CSGALNACT1: variants seen among roughly 807,000 people sequenced by gnomAD.
CSGALNACT1 encodes the protein chondroitin sulfate N-acetylgalactosaminyltransferase 1, also known as beta4GalNAcT-1.
CSGALNACT1 carries 52 observed loss-of-function variants against 51.0 expected under a neutral mutation model. That is an observed-to-expected ratio of 1.02 (90% CI 0.82 to 1.29). The LOEUF is 1.29. CSGALNACT1 is among the 50% of genes most tolerant of loss of function. The probability of loss-of-function intolerance (pLI) is 0.00; values close to 1 mark genes in which losing one functional copy is unlikely to be tolerated. For missense variants in CSGALNACT1, 935 were observed against 679.2 expected, an observed-to-expected ratio of 1.38 and a Z score of -4.19; for synonymous variants, 341 against 254.4, an observed-to-expected ratio of 1.34 and a Z score of -3.24.
chr8:19,447,820 G>A (rs2062399057), intron 5 of CSGALNACT1, among the ~76,000 whole-genome samples: 1 of 152,210 alleles, frequency 6.6e-6, no homozygotes, highest in Non-Finnish European at 1.5e-5. Context: ...CAGCTTTTGT[G>A]GACTCACCTG....
At chr8:19,688,686 T>C (rs898564036) in intron 1 of CSGALNACT1, 3 of 152,232 alleles carry the variant, frequency 2.0e-5, no homozygotes. Context: ...GAAAGCTCTC[T>C]CAGCCCACTG....
At chr8:19,491,798 C>A (rs773643029) in intron 4 of CSGALNACT1, among the ~76,000 whole-genome samples, 1 of 152,146 alleles carries the variant, frequency 6.6e-6, no homozygotes, top group African/African-American at 2.4e-5. Context: ...AATTTGCAAA[C>A]GACACAACTG....
At chr8:19,533,873 T>C (rs577295489) in intron 3 of CSGALNACT1, among the ~76,000 whole-genome samples, 4 of 151,988 alleles carry the variant, frequency 2.6e-5, no homozygotes, top group African/African-American at 9.7e-5. Flanking sequence ...TTTAAAAGGG[T>C]CAAAATAATA....
At chr8:19,685,803 A>T (rs1008248997), upstream of CSGALNACT1, among the ~76,000 whole-genome samples, 4 of 152,210 alleles carry the variant, frequency 2.6e-5, no homozygotes, top group Non-Finnish European at 4.4e-5. Flanking sequence ...TAACTTTGAC[A>T]TACCAACGAG....
At chr8:19,521,573 T>C (rs1587761856) in intron 3 of CSGALNACT1, among the ~76,000 whole-genome samples, 2 of 152,120 alleles carry the variant, frequency 1.3e-5, no homozygotes, top group South Asian at 4.2e-4. Context: ...ATCCCAGCTA[T>C]TCAGGAGGCT....
intron 1 of CSGALNACT1, among the ~76,000 whole-genome samples, chr8:19,756,581 T>C (rs1340474963): frequency 7.0e-6 from 1 of 141,890 alleles, no homozygotes. Context: ...CTAGCCCCCA[T>C]CCCACCCCAA....
intron 3 of CSGALNACT1, among the ~76,000 whole-genome samples, chr8:19,576,159 G>A (rs1292762708): frequency 6.6e-6 from 1 of 151,954 alleles, no homozygotes; most frequent in African/African-American, 2.4e-5. Context: ...CCTCAGTAGT[G>A]AGCAGTCATT....
intron 5 of CSGALNACT1, among the ~76,000 whole-genome samples, chr8:19,445,029 G>T (rs747329166): frequency 6.6e-6 from 1 of 152,162 alleles, no homozygotes; most frequent in African/African-American, 2.4e-5. Flanking sequence ...GTGGAAGAAA[G>T]AGCACCTCAG....
At chr8:19,571,170 A>G (rs1156757791) in intron 3 of CSGALNACT1, among the ~76,000 whole-genome samples, 5 of 151,996 alleles carry the variant, frequency 3.3e-5, no homozygotes, top group Non-Finnish European at 5.9e-5. Flanking sequence ...AGGTTTTGCT[A>G]TGTTGCCCAG....
At chr8:19,455,117 A>T (rs1412744384) in intron 5 of CSGALNACT1, among the ~76,000 whole-genome samples, 1 of 152,212 alleles carries the variant, frequency 6.6e-6, no homozygotes, top group African/African-American at 2.4e-5. Flanking sequence ...AGGAGGTGAG[A>T]CCTGGAGTGA....
intron 1 of CSGALNACT1, among the ~76,000 whole-genome samples, chr8:19,681,473 A>C (rs2060614785): frequency 6.6e-6 from 1 of 152,108 alleles, no homozygotes; most frequent in African/African-American, 2.4e-5. Flanking sequence ...AAAAGGAAGA[A>C]CTGGGGACCT....
intron 3 of CSGALNACT1, among the ~76,000 whole-genome samples, chr8:19,561,084 C>T (rs143762405): frequency 3.3e-4 from 50 of 152,104 alleles, no homozygotes; most frequent in African/African-American, 1.2e-3. Flanking sequence ...CAGTGATAAC[C>T]ATAAATAATT....
intron 5 of CSGALNACT1, among the ~76,000 whole-genome samples, chr8:19,443,722 G>A (rs117620190): frequency 6.6e-6 from 1 of 152,308 alleles, no homozygotes; most frequent in South Asian, 2.1e-4. Context: ...TGAGATGTGG[G>A]TGGGGATATA....
rs186099036 is a variant in CSGALNACT1, at chr8:19,599,641, T to C, written c.-416+2130A>G. Among the ~76,000 whole-genome samples the C allele has an allele frequency of 2.4e-3, 362 of 152,216 alleles. 2 individuals carry two copies. The highest frequency in any genetic ancestry group is 0.01 in the Middle Eastern group (3 of 294). On this transcript the variant is annotated intron_variant, in intron 2 of 9. Coordinates refer to ENST00000454498, the Ensembl canonical transcript of CSGALNACT1. ...AAATAAATAAGTAGTCCAAAGCTGA[T>C]TAAGGTCTACTTGGGCAAATGCAAA...
chr8:19,614,191 G>T (rs557947555), intron 1 of CSGALNACT1, among the ~76,000 whole-genome samples: 2 of 152,190 alleles, frequency 1.3e-5, no homozygotes, highest in East Asian at 3.9e-4. Flanking sequence ...TTATATGCCT[G>T]ATAACTCATT....
chr8:19,742,255 T>C (rs13279183), intron 1 of CSGALNACT1, among the ~76,000 whole-genome samples: 25,564 of 152,170 alleles, frequency 0.17, 2,262 homozygotes, highest in Middle Eastern at 0.31. Flanking sequence ...CCACAGCTAG[T>C]AAATGGCAGC....
At chr8:19,508,882 CT>C (rs1326776027) in intron 3 of CSGALNACT1, among the ~76,000 whole-genome samples, 2 of 152,092 alleles carry the variant, frequency 1.3e-5, no homozygotes, top group African/African-American at 4.8e-5. Flanking sequence ...ACTGGAATAT[CT>C]TTTTGTTCTG....
intron 1 of CSGALNACT1, among the ~76,000 whole-genome samples, chr8:19,666,829 GAGAGAAAGAAAGAAAGAA>G (rs1166029381): frequency 2.9e-4 from 10 of 34,928 alleles, no homozygotes; most frequent in South Asian, 1.6e-3. Flanking sequence ...GAGAGAGAGA[GAGAGAAAGAAAGAAAGAA>G]AGAAAGAAAG....
chr8:19,700,651 C>T (rs79046575), intron 1 of CSGALNACT1, among the ~76,000 whole-genome samples: 1 of 152,144 alleles, frequency 6.6e-6, no homozygotes, highest in Admixed American at 6.5e-5. Flanking sequence ...TCCGATGTTC[C>T]TATCTCTTTC....
Sources: allele counts gnomAD v4.1 joint callset (sites outside exome capture counted in the v4.1 genomes callset), GRCh38; gene constraint gnomAD v4.1.1; transcripts MANE v1.5; gene names NCBI Gene and HGNC (gene_info 2026-07-23, HGNC 2026-07-21).